Variants in CACNA1C observed in about 807,000 individuals in gnomAD.
The protein encoded by CACNA1C is voltage-dependent L-type calcium channel subunit alpha-1C.
CACNA1C carries 30 observed loss-of-function variants against 229.0 expected under a neutral mutation model. The observed-to-expected ratio is 0.13, with a 90% confidence interval of 0.10 to 0.18. The LOEUF is 0.18. Ranked by LOEUF, CACNA1C falls within the 10% of genes least tolerant of loss-of-function variation. The pLI is 1.00. For synonymous variants in CACNA1C, 1,114 were observed against 1,132.5 expected (o/e 0.98, Z 0.33); for missense variants, 1,658 against 2,845.0 (o/e 0.58, Z 9.49).
At chr12:2,469,231 T>G (rs1467398163) in intron 5 of CACNA1C, among the ~76,000 whole-genome samples, 2 of 152,118 alleles carry the variant, frequency 1.3e-5, no homozygotes, top group Non-Finnish European at 2.9e-5. Context: ...CACAAAACAC[T>G]GTGGTCTGTG....
chr12:2,600,979 G>A (rs539759625), intron 21 of CACNA1C, among the ~76,000 whole-genome samples: 2 of 152,298 alleles, frequency 1.3e-5, no homozygotes, highest in East Asian at 1.9e-4. Context: ...AGGAAACAGA[G>A]GCACTAAGAG....
chr12:2,032,790 G>A (rs942605479), intron 1 of CACNA1C, among the ~76,000 whole-genome samples: 1 of 152,138 alleles, frequency 6.6e-6, no homozygotes, highest in African/African-American at 2.4e-5. Context: ...CTGCCATCTC[G>A]GGCTTAGATT....
intron 3 of CACNA1C, among the ~76,000 whole-genome samples, chr12:2,187,615 C>T (rs781590203): frequency 4.6e-5 from 7 of 152,170 alleles, no homozygotes; most frequent in African/African-American, 7.2e-5. Context: ...GTGAAGAGAC[C>T]CACCTTTCTG....
chr12:2,539,117 G>A (rs1469084990), intron 9 of CACNA1C, among the ~76,000 whole-genome samples: 1 of 152,232 alleles, frequency 6.6e-6, no homozygotes, highest in Non-Finnish European at 1.5e-5. Context: ...TTGTCAGTGG[G>A]GATAATAATA....
chr12:2,480,447 G>A (rs1000456636), intron 5 of CACNA1C, among the ~76,000 whole-genome samples: 6 of 152,196 alleles, frequency 3.9e-5, no homozygotes, highest in African/African-American at 1.2e-4. Context: ...TACATCAGTT[G>A]CATGATTATT....
intron 1 of CACNA1C, among the ~76,000 whole-genome samples, chr12:2,022,078 A>T (rs1343935452): frequency 6.6e-6 from 1 of 152,168 alleles, no homozygotes; most frequent in African/African-American, 2.4e-5. Flanking sequence ...TTCTCCCCAC[A>T]TCTGTATGGG....
intron 8 of CACNA1C, among the ~76,000 whole-genome samples, chr12:2,505,652 G>A (rs369987754): frequency 5.9e-5 from 9 of 152,258 alleles, no homozygotes; most frequent in South Asian, 4.2e-4. Flanking sequence ...GCAACATAGC[G>A]AGACCCCATG....
intron 2 of CACNA1C, 53 bp downstream of exon 2, chr12:2,115,598 C>T (rs2083486890): frequency 6.3e-7 from 1 of 1,578,316 alleles, no homozygotes; most frequent in Non-Finnish European, 8.7e-7. Context: ...ACGCTGGGTC[C>T]AGCCCTCCGA....
At chr12:2,299,472 A>C (rs372798185) in intron 3 of CACNA1C, among the ~76,000 whole-genome samples, 1 of 151,968 alleles carries the variant, frequency 6.6e-6, no homozygotes, top group Non-Finnish European at 1.5e-5. Context: ...CTCTCATCGG[A>C]TGCTTGGCAT....
intron 3 of CACNA1C, among the ~76,000 whole-genome samples, chr12:2,387,351 G>A (rs2098409556): frequency 6.6e-6 from 1 of 152,120 alleles, no homozygotes; most frequent in South Asian, 2.1e-4. Context: ...CAGGCGTGGT[G>A]GCAGGCGCCT....
intron 3 of CACNA1C, among the ~76,000 whole-genome samples, chr12:2,168,668 T>G (rs1310494917): frequency 6.6e-6 from 1 of 152,192 alleles, no homozygotes; most frequent in East Asian, 1.9e-4. Context: ...TTTTATGTGA[T>G]CTTAAATGGC....
intron 3 of CACNA1C, chr12:2,223,477 A>C (rs1028664755): frequency 6.6e-6 from 1 of 152,234 alleles, no homozygotes; most frequent in African/African-American, 2.4e-5. Context: ...GGCCATTTTG[A>C]ATAAGGGCCC....
intron 3 of CACNA1C, among the ~76,000 whole-genome samples, chr12:2,182,092 G>A (rs866407143): frequency 2.7e-5 from 4 of 146,122 alleles, no homozygotes; most frequent in Admixed American, 6.9e-5. Context: ...TTTTAACATC[G>A]GGAGGGAACT....
At chr12:2,577,825 C>T (rs1205984730) in intron 13 of CACNA1C, among the ~76,000 whole-genome samples, 3 of 152,052 alleles carry the variant, frequency 2.0e-5, no homozygotes, top group East Asian at 3.9e-4. Context: ...CATGGCCTCA[C>T]ATTCTGGCGA....
chr12:2,047,864 C>T (rs554935090), intron 1 of CACNA1C, among the ~76,000 whole-genome samples: 4 of 152,248 alleles, frequency 2.6e-5, no homozygotes, highest in South Asian at 2.1e-4. Flanking sequence ...GCCAAAAGGC[C>T]GGAGGAAAGC....
intron 3 of CACNA1C, among the ~76,000 whole-genome samples, chr12:2,381,592 G>C (rs1022581358): frequency 6.6e-6 from 1 of 152,130 alleles, no homozygotes; most frequent in African/African-American, 2.4e-5. Flanking sequence ...GGTTTTCCTC[G>C]ATGTAAGGCC....
intron 3 of CACNA1C, among the ~76,000 whole-genome samples, chr12:2,251,197 A>G (rs758219108): frequency 1.3e-5 from 2 of 152,192 alleles, no homozygotes; most frequent in South Asian, 2.1e-4. Flanking sequence ...GAGAAAATAG[A>G]TCACGTTGAC....
At chr12:1,996,668 C>T (rs1235647877) in intron 1 of CACNA1C, among the ~76,000 whole-genome samples, 14 of 95,834 alleles carry the variant, frequency 1.5e-4, no homozygotes, top group East Asian at 1.1e-3. Flanking sequence ...ACAAACTCTT[C>T]TAATGTTTTA....
Position 2,585,954 on chromosome 12 carries a change from C to T in CACNA1C, c.2530+50C>T. The stretch of plus-strand genomic sequence containing the variant: ...GGATTGGGAGATTGGGGGCAGAGAT[C>T]TAAATTCTAAAGCCACGTGGGAGTG... On this transcript the variant is annotated intron_variant, in intron 18 of 46. Transcript: ENST00000399655. This position sits in a 1 kb window ranked among gnomAD's most constrained non-coding sequence, Gnocchi z 4.1. The T allele has an allele frequency of 1.6e-6, 2 of 1,215,204 alleles. No individual in the cohort carries two copies. Among genetic ancestry groups the T allele is most frequent in the Non-Finnish European group, 2.3e-6 (2 of 859,714 alleles). The allele number at this position is 1,215,204 out of a possible 1,614,324, so 75.3% of individuals were successfully genotyped here. A position where few individuals can be genotyped will look rare whatever the true frequency, so the allele number is the denominator to read the frequency against.
Sources: gnomAD v4.1 joint callset for allele counts (sites outside exome capture counted in the v4.1 genomes callset) on GRCh38, gnomAD v4.1.1 for gene constraint, Gnocchi (gnomAD v3.1) non-coding constraint, MANE v1.5 for transcripts, NCBI Gene and HGNC (gene_info 2026-07-23, HGNC 2026-07-21) for gene names.